RNF19A: variants seen among roughly 807,000 people sequenced by gnomAD.
RNF19A encodes E3 ubiquitin-protein ligase RNF19A.
RNF19A carries 32 observed loss-of-function variants against 75.7 expected under a neutral mutation model. The observed-to-expected ratio is 0.42, with a 90% CI of 0.32 to 0.57. RNF19A has a LOEUF of 0.57. Ranked by LOEUF, RNF19A falls within the 20% of genes least tolerant of loss-of-function variation. RNF19A has a pLI of 0.10. For synonymous variants in RNF19A, 335 were observed against 345.2 expected (o/e 0.97, Z 0.33); for missense variants, 782 against 1,036.3 (o/e 0.75, Z 3.37).
At chr8:100,274,822 T>C in intron 3 of RNF19A, 131 bp downstream of exon 3, 2 of 661,760 alleles carry the variant, frequency 3.0e-6, no homozygotes, top group Non-Finnish European at 5.1e-6. Context: ...GAATGAGTGC[T>C]TCTGGGATAG....
rs764692097 is a variant in RNF19A at position 100,270,032 on chromosome 8, A to G, written c.884-19T>C. 1 of 1,552,738 alleles carries G rather than the reference A, an allele frequency of 6.4e-7. No individual in the cohort carries two copies. Among genetic ancestry groups the G allele is most frequent in the East Asian group, 2.4e-5 (1 of 42,250 alleles). On this transcript the variant is annotated intron_variant, in intron 3 of 9. Coordinates refer to ENST00000341084, the MANE Select transcript of RNF19A (RefSeq NM_183419.4). ...TCATCAGCTATTGGGAACACAGAGA[A>G]ATCTATTAAGTACATAAAACTGGTC...
intron 2 of RNF19A, among the ~76,000 whole-genome samples, chr8:100,279,013 A>C (rs926030493): frequency 1.3e-5 from 2 of 152,122 alleles, no homozygotes; most frequent in African/African-American, 4.8e-5. Flanking sequence ...TCAATAATTA[A>C]ATTTTAAAAC....
intron 1 of RNF19A, among the ~76,000 whole-genome samples, chr8:100,335,493 A>G (rs1586707231): frequency 6.6e-6 from 1 of 152,320 alleles, no homozygotes; most frequent in East Asian, 1.9e-4. Context: ...AAAAAAAGAA[A>G]CCCAAGCTGT....
At chr8:100,262,457 T>C (rs1454771656) in intron 7 of RNF19A, among the ~76,000 whole-genome samples, 1 of 151,892 alleles carries the variant, frequency 6.6e-6, no homozygotes. Context: ...GACAGAGAAC[T>C]GCCAGTTTAA....
At chr8:100,299,324 A>C (rs1821715199) in intron 1 of RNF19A, among the ~76,000 whole-genome samples, 1 of 152,234 alleles carries the variant, frequency 6.6e-6, no homozygotes, top group African/African-American at 2.4e-5. Context: ...AGGATAAACA[A>C]ATAATTGTTG....
Position 100,275,175 on chromosome 8 carries a change from G to T in RNF19A, c.675-14C>A. The T allele has an allele frequency of 6.2e-7, 1 of 1,607,640 alleles. No individual in the cohort carries two copies. The highest frequency in any genetic ancestry group is 2.2e-5 in the East Asian group (1 of 44,818). On this transcript the variant is annotated splice_polypyrimidine_tract_variant and intron_variant, in intron 2 of 9. Transcript: ENST00000341084. The surrounding 1 kb of genome is among the most constrained non-coding windows in gnomAD (Gnocchi z 4.3). ...ATCACAGCATATCTTGAAAGAACAA[G>T]AAAAATGATTTAAAATGTGACATAA...
chr8:100,330,083 C>T lies in RNF19A; in HGVS notation c.-243+6025G>A, dbSNP rs901197466. 6.6e-6 allele frequency among the ~76,000 whole-genome samples: 1 copy of T among 152,094 alleles called. No individual in the cohort carries two copies. Among genetic ancestry groups the T allele is most frequent in the Non-Finnish European group, 1.5e-5 (1 of 68,018 alleles). On this transcript the variant is annotated intron_variant, in intron 1 of 3. Transcript: ENST00000519527. This position sits in a 1 kb window ranked among gnomAD's most constrained non-coding sequence, Gnocchi z 4.1. Reference sequence around the variant, plus strand: ...GGATTAGAGGGCTGCCAGGATCCTTCTTGGCTCTTAGAGTTCATAATTATT... The same window carrying T: ...GGATTAGAGGGCTGCCAGGATCCTTTTTGGCTCTTAGAGTTCATAATTATT...
At chr8:100,276,697 A>C (rs1820530792) in intron 2 of RNF19A, among the ~76,000 whole-genome samples, 1 of 149,472 alleles carries the variant, frequency 6.7e-6, no homozygotes, top group Admixed American at 6.7e-5. Flanking sequence ...CGGAGGCTGC[A>C]GTGAGCCAAG....
intron 1 of RNF19A, among the ~76,000 whole-genome samples, chr8:100,327,544 C>G (rs1471665353): frequency 6.6e-6 from 1 of 152,154 alleles, no homozygotes; most frequent in East Asian, 1.9e-4. Context: ...AGCCACTGTG[C>G]CTGGCCACAA....
chr8:100,266,817 A>AT (rs1239926229), intron 5 of RNF19A, among the ~76,000 whole-genome samples: 1 of 152,152 alleles, frequency 6.6e-6, no homozygotes, highest in African/African-American at 2.4e-5. Flanking sequence ...ATGGCCCAAC[A>AT]TTTTTTAAAG....
intron 2 of RNF19A, among the ~76,000 whole-genome samples, chr8:100,280,726 T>C (rs544802328): frequency 5.3e-5 from 8 of 152,338 alleles, no homozygotes; most frequent in Middle Eastern, 3.4e-3. Flanking sequence ...TTCATATGTA[T>C]TCAATCCTAA....
intron 2 of RNF19A, among the ~76,000 whole-genome samples, chr8:100,282,530 T>C (rs928027875): frequency 6.6e-6 from 1 of 152,230 alleles, no homozygotes; most frequent in Non-Finnish European, 1.5e-5. Flanking sequence ...TTTATGTATG[T>C]GTGTTCTAAC....
At chr8:100,303,233 T>C (rs969810077) in intron 1 of RNF19A, 1 of 152,256 alleles carries the variant, frequency 6.6e-6, no homozygotes, top group African/African-American at 2.4e-5. Flanking sequence ...AATGTGTCCT[T>C]TGACTCTTCC....
rs571588086 is a variant in RNF19A, at chr8:100,265,825, G to A, written c.1192-1040C>T. On this transcript the variant is annotated intron_variant, in intron 5 of 9. Transcript: ENST00000341084. The stretch of plus-strand genomic sequence containing the variant: ...TTCCTAGTCAGAATCCCATTTCCCA[G>A]CATTGACTAGAGGTTCCTTGTCAAT... Among the ~76,000 whole-genome samples the A allele has an allele frequency of 2.0e-4, 30 of 152,216 alleles. 1 individual carries two copies. The highest frequency in any genetic ancestry group is 7.0e-4 in the African/African-American group (29 of 41,534).
chr8:100,308,106 T>C (rs1822132139), intron 1 of RNF19A, among the ~76,000 whole-genome samples: 1 of 152,168 alleles, frequency 6.6e-6, no homozygotes, highest in Non-Finnish European at 1.5e-5. Flanking sequence ...AAAATGATGC[T>C]GCAGTTTTAA....
chr8:100,258,135 T>C lies in RNF19A; in HGVS notation c.*421A>G. On this transcript the variant is annotated 3_prime_UTR_variant, in exon 10 of 10. Coordinates refer to ENST00000341084, the MANE Select transcript of RNF19A (RefSeq NM_183419.4). The surrounding 1 kb of genome is among the most constrained non-coding windows in gnomAD (Gnocchi z 4.3). Reference sequence around the variant, plus strand: ...ACTGAGAGTAACCTATGCAGTTCTTTTAAACTTATCTCTTTAGTGGTTTCA... The same window carrying C: ...ACTGAGAGTAACCTATGCAGTTCTTCTAAACTTATCTCTTTAGTGGTTTCA... 2.5e-6 allele frequency: 1 copy of C among 404,290 alleles called. No individual in the cohort carries two copies. 25.0% of individuals were successfully genotyped at this position (404,290 alleles called of 1,614,324 possible).
rs947201802 is a variant in RNF19A at position 100,329,728 on chromosome 8, G to T, written c.-243+6380C>A. Reference sequence around the variant, plus strand: ...AGAGAGAAAAGACTAGAGCAGAAATGAAGTGTCTTCCAACACTTAAAGGAT... The same window carrying T: ...AGAGAGAAAAGACTAGAGCAGAAATTAAGTGTCTTCCAACACTTAAAGGAT... On this transcript the variant is annotated intron_variant, in intron 1 of 3. Coordinates refer to the RNF19A transcript ENST00000519527. The surrounding 1 kb of genome is among the most constrained non-coding windows in gnomAD (Gnocchi z 4.3). 2.6e-5 allele frequency among the ~76,000 whole-genome samples: 4 copies of T among 152,184 alleles called. No individual in the cohort carries two copies. Among genetic ancestry groups the T allele is most frequent in the African/African-American group, 9.7e-5 (4 of 41,434 alleles).
At chr8:100,288,853 G>A (rs1476372480) in intron 1 of RNF19A, among the ~76,000 whole-genome samples, 1 of 152,132 alleles carries the variant, frequency 6.6e-6, no homozygotes, top group East Asian at 1.9e-4. Context: ...AAGTTCAGGA[G>A]ATTGACACCA....
Position 100,264,935 on chromosome 8 carries a change from A to G in RNF19A, c.1192-150T>C, listed in dbSNP as rs560656160. 265 of 598,172 alleles carry G rather than the reference A, an allele frequency of 4.4e-4. 1 individual carries two copies. Among genetic ancestry groups the G allele is most frequent in the Non-Finnish European group, 2.4e-4 (82 of 337,748 alleles). The allele number at this position is 598,172 out of a possible 1,614,324, so 37.1% of individuals were successfully genotyped here. On this transcript the variant is annotated intron_variant, in intron 5 of 9. Transcript: ENST00000341084. The surrounding 1 kb of genome is among the most constrained non-coding windows in gnomAD (Gnocchi z 4.7). ...TCAAGGTAAACCTACTAGTGTCCTT[A>G]AACTATTATATATTCTCACAAATAA...
Sources: gnomAD v4.1 joint callset for allele counts (sites outside exome capture counted in the v4.1 genomes callset) on GRCh38, gnomAD v4.1.1 for gene constraint, Gnocchi (gnomAD v3.1) non-coding constraint, MANE v1.5 for transcripts, NCBI Gene and HGNC (gene_info 2026-07-23, HGNC 2026-07-21) for gene names.